TMEM117: variants seen among roughly 807,000 people sequenced by gnomAD.
TMEM117 encodes transmembrane protein 117.
In TMEM117, 27 loss-of-function variants were observed where a neutral mutation model predicts 52.4. The observed-to-expected ratio is 0.51, with a 90% CI of 0.38 to 0.71. The LOEUF (loss-of-function observed/expected upper bound fraction) is 0.71. TMEM117 is among the 30% of genes least tolerant of loss of function. The pLI is 0.00. For missense variants in TMEM117, 556 were observed against 630.5 expected (o/e 0.88, Z 1.26); for synonymous variants, 215 against 206.3 (o/e 1.04, Z -0.36).
intron 6 of TMEM117, among the ~76,000 whole-genome samples, chr12:44,364,930 C>A (rs1252866743): frequency 6.6e-6 from 1 of 152,054 alleles, no homozygotes; most frequent in Non-Finnish European, 1.5e-5. Context: ...TGATAGCCAT[C>A]ACTAGTGGGC....
At chr12:44,333,535 A>C (rs1951300951) in intron 6 of TMEM117, among the ~76,000 whole-genome samples, 1 of 151,934 alleles carries the variant, frequency 6.6e-6, no homozygotes, top group Non-Finnish European at 1.5e-5. Context: ...GTGAGTTCTC[A>C]CAAGATCTGA....
intron 4 of TMEM117, among the ~76,000 whole-genome samples, chr12:44,210,984 A>G (rs769168037): frequency 2.6e-5 from 4 of 152,052 alleles, no homozygotes; most frequent in Non-Finnish European, 5.9e-5. Context: ...AGAATATAGT[A>G]TTTTATTTGT....
chr12:44,055,581 G>A (rs189167234), intron 3 of TMEM117, among the ~76,000 whole-genome samples: 2 of 152,274 alleles, frequency 1.3e-5, no homozygotes, highest in African/African-American at 4.8e-5. Context: ...TACTAGCTGT[G>A]TGGCATCAGG....
chr12:43,867,977 A>G (rs561487044), intron 2 of TMEM117, among the ~76,000 whole-genome samples: 2 of 152,314 alleles, frequency 1.3e-5, no homozygotes, highest in Non-Finnish European at 1.5e-5. Flanking sequence ...TTCAAGTACA[A>G]TGGAATATTA....
chr12:44,346,071 C>T (rs1328762221), intron 6 of TMEM117, among the ~76,000 whole-genome samples: 3 of 151,954 alleles, frequency 2.0e-5, no homozygotes, highest in African/African-American at 2.4e-5. Flanking sequence ...TTTATCAGTT[C>T]GATACAAATA....
chr12:44,099,837 A>G (rs1403208418), intron 3 of TMEM117, among the ~76,000 whole-genome samples: 1 of 149,958 alleles, frequency 6.7e-6, no homozygotes, highest in African/African-American at 2.5e-5. Context: ...CAAGTGGGAT[A>G]TTAGTAAAAA....
chr12:44,372,335 C>T (rs892194443), intron 6 of TMEM117, among the ~76,000 whole-genome samples: 1 of 152,034 alleles, frequency 6.6e-6, no homozygotes, highest in African/African-American at 2.4e-5. Context: ...ATATATTTTA[C>T]ATTTATGTAG....
chr12:43,898,580 C>T (rs1944252348), intron 2 of TMEM117, among the ~76,000 whole-genome samples: 1 of 151,942 alleles, frequency 6.6e-6, no homozygotes, highest in African/African-American at 2.4e-5. Flanking sequence ...ATCTAGGATA[C>T]AGGAAAAAAG....
intron 3 of TMEM117, among the ~76,000 whole-genome samples, chr12:44,050,901 A>G (rs1211726271): frequency 6.6e-6 from 1 of 152,238 alleles, no homozygotes; most frequent in African/African-American, 2.4e-5. Context: ...CCCATGTCCT[A>G]GGAAGTTTAG....
intron 3 of TMEM117, among the ~76,000 whole-genome samples, chr12:43,984,601 G>C (rs1945815705): frequency 6.6e-6 from 1 of 152,100 alleles, no homozygotes. Context: ...TGAATTCTGG[G>C]TGGAATAAAT....
intron 6 of TMEM117, among the ~76,000 whole-genome samples, chr12:44,373,173 C>T (rs918733968): frequency 3.3e-5 from 5 of 152,234 alleles, no homozygotes; most frequent in African/African-American, 1.2e-4. Flanking sequence ...CTCCCTCCCA[C>T]CTGCATAGCA....
chr12:43,949,709 A>T (rs1648536512), intron 3 of TMEM117, among the ~76,000 whole-genome samples: 1 of 152,140 alleles, frequency 6.6e-6, no homozygotes, highest in African/African-American at 2.4e-5. Context: ...GTAGCCTGAC[A>T]TTCCTGAGGA....
intron 5 of TMEM117, among the ~76,000 whole-genome samples, chr12:44,288,685 G>T (rs1404174447): frequency 2.0e-5 from 3 of 152,062 alleles, no homozygotes; most frequent in Non-Finnish European, 4.4e-5. Context: ...TATTCACAAT[G>T]AGATAATTAG....
chr12:44,002,644 G>A (rs1946133949), intron 3 of TMEM117, among the ~76,000 whole-genome samples: 1 of 152,042 alleles, frequency 6.6e-6, no homozygotes, highest in Non-Finnish European at 1.5e-5. Context: ...ATCTAAGGGT[G>A]ACATTGTCCT....
chr12:44,396,817 G>A, the TMEM117 span, among the ~76,000 whole-genome samples: 4 of 147,750 alleles, frequency 2.7e-5, no homozygotes, highest in African/African-American at 1.0e-4. Flanking sequence ...TTGTGCCTTT[G>A]CACTCCAGCC....
At chr12:43,853,277 T>C (rs1943342596) in intron 2 of TMEM117, among the ~76,000 whole-genome samples, 1 of 152,190 alleles carries the variant, frequency 6.6e-6, no homozygotes, top group Non-Finnish European at 1.5e-5. Flanking sequence ...TTTGCCAGTG[T>C]TACCTTTTTT....
At chr12:43,956,718 T>G (rs146829100) in intron 3 of TMEM117, among the ~76,000 whole-genome samples, 6 of 152,268 alleles carry the variant, frequency 3.9e-5, no homozygotes, top group African/African-American at 1.4e-4. Context: ...TGTAAATTAG[T>G]TCAACCATTG....
intron 6 of TMEM117, among the ~76,000 whole-genome samples, chr12:44,348,915 G>T (rs1263820391): frequency 6.6e-6 from 1 of 151,950 alleles, no homozygotes. Context: ...ATGTCAGTCA[G>T]AGAGGTGATT....
chr12:44,191,967 A>G (rs1399371229), intron 4 of TMEM117, among the ~76,000 whole-genome samples: 2 of 152,204 alleles, frequency 1.3e-5, no homozygotes, highest in Non-Finnish European at 2.9e-5. Context: ...GCAAATGTAA[A>G]AGGTCAAGGG....
Sources: allele counts gnomAD v4.1 joint callset (sites outside exome capture counted in the v4.1 genomes callset), GRCh38; gene constraint gnomAD v4.1.1; transcripts MANE v1.5; gene names NCBI Gene and HGNC (gene_info 2026-07-23, HGNC 2026-07-21).